Variants in OGFRL1 observed in about 807,000 individuals in gnomAD.
OGFRL1 encodes the protein opioid growth factor receptor like 1.
In OGFRL1, 26 loss-of-function variants were observed where a neutral mutation model predicts 32.4. The ratio of observed to expected loss-of-function variants is 0.80; its 90% CI spans 0.59 to 1.11. The LOEUF (loss-of-function observed/expected upper bound fraction) is 1.11, where lower values mean the gene tolerates loss of function less well. Ranked by LOEUF, OGFRL1 falls within the 50% of genes most tolerant of loss-of-function variation. The pLI, the probability that OGFRL1 is intolerant of heterozygous loss-of-function variation, is 0.00. For missense variants in OGFRL1, 521 were observed against 546.4 expected (o/e 0.95, Z 0.46); for synonymous variants, 211 against 201.2 (o/e 1.05, Z -0.41).
At position 71,288,851 on chromosome 6, in the gene OGFRL1, C is replaced by G. The variant is rs1765942325; in HGVS notation, c.-86C>G. On this transcript the variant is annotated 5_prime_UTR_variant, in exon 1 of 7. Transcript: ENST00000370435. ...CGCCTAGGCTGCCGCCCAGCGCCCT[C>G]GCCGCGGCCATGCCCGGGCCCTAGA... 1 of 994,982 alleles carries G rather than the reference C, an allele frequency of 1.0e-6. No homozygotes were observed. The highest frequency in any genetic ancestry group is 1.2e-6 in the Non-Finnish European group (1 of 824,276). 61.6% of individuals were successfully genotyped at this position (994,982 alleles called of 1,614,324 possible). A position where few individuals can be genotyped will look rare whatever the true frequency, so the allele number is the denominator to read the frequency against.
intron 6 of OGFRL1, among the ~76,000 whole-genome samples, chr6:71,301,044 C>G (rs534602995): frequency 1.9e-4 from 29 of 152,240 alleles, no homozygotes; most frequent in African/African-American, 7.0e-4. Flanking sequence ...AATAAATGCT[C>G]TGTTAGATCA....
intron 5 of OGFRL1, 44 bp downstream of exon 5, chr6:71,296,605 A>T (rs750830068): frequency 6.6e-5 from 106 of 1,607,086 alleles, no homozygotes; most frequent in Admixed American, 5.4e-4. Flanking sequence ...GCCAAATAAT[A>T]TTGCTATTTC....
intron 1 of OGFRL1, among the ~76,000 whole-genome samples, chr6:71,291,151 A>G (rs530961042): frequency 6.6e-5 from 10 of 152,320 alleles, no homozygotes; most frequent in African/African-American, 2.2e-4. Context: ...GTAAACTAAG[A>G]AAGTTATAGT....
chr6:71,290,505 T>C (rs1350762806), intron 1 of OGFRL1, among the ~76,000 whole-genome samples: 1 of 152,212 alleles, frequency 6.6e-6, no homozygotes, highest in African/African-American at 2.4e-5. Context: ...GGTCCATCTA[T>C]ATAAAACATT....
intron 2 of OGFRL1, 34 bp downstream of exon 2, chr6:71,293,413 A>G (rs1766108209): frequency 1.3e-6 from 2 of 1,599,836 alleles, no homozygotes; most frequent in African/African-American, 2.7e-5. Flanking sequence ...TTAAACTGTA[A>G]ACTATTTTCC....
rs1451663987 is a variant in OGFRL1, at chr6:71,305,632, G to A, written c.*3583G>A. 1 of 151,954 alleles carries A rather than the reference G, an allele frequency of 6.6e-6. No homozygotes were observed. The highest frequency in any genetic ancestry group is 1.5e-5 in the Non-Finnish European group (1 of 67,892). The allele number at this position is 151,954 out of a possible 1,614,324, so 9.4% of individuals were successfully genotyped here. A position where few individuals can be genotyped will look rare whatever the true frequency, so the allele number is the denominator to read the frequency against. ...CTAAGTAGTAAAAATATAAACATAT[G>A]AAAATGCCATAATGCCTGTCATAGT... On this transcript the variant is annotated 3_prime_UTR_variant, in exon 7 of 7. Coordinates refer to ENST00000370435, the MANE Select transcript of OGFRL1 (RefSeq NM_024576.5).
Position 71,288,969 on chromosome 6 carries a change from C to T in OGFRL1, c.33C>T (p.Arg11=). 1.4e-6 allele frequency: 2 copies of T among 1,391,016 alleles called. No homozygotes were observed. The highest frequency in any genetic ancestry group is 1.3e-5 in the South Asian group (1 of 78,486). 86.2% of individuals were successfully genotyped at this position (1,391,016 alleles called of 1,614,324 possible). A position where few individuals can be genotyped will look rare whatever the true frequency, so the allele number is the denominator to read the frequency against. MGNLLGGVSF[R]EPTTVEDCDS... ...ACCTGCTCGGCGGGGTCAGCTTCCG[C>T]GAGCCCACCACCGTGGAGGACTGCG... is the stretch of plus-strand genomic sequence containing the variant. Residue 11 remains arginine, a synonymous_variant, in exon 1 of 7, where the codon CGC becomes CGT. Transcript: ENST00000370435.
chr6:71,295,854 A>G (rs1766188795), intron 3 of OGFRL1: 1 of 152,244 alleles, frequency 6.6e-6, no homozygotes, highest in African/African-American at 2.4e-5. Flanking sequence ...GCATTTAAAG[A>G]ACTATATAAC....
In OGFRL1 at chr6:71,296,668, T is replaced by A. The variant is rs774188897; in HGVS notation, c.547-4T>A. On this transcript the variant is annotated splice_region_variant and splice_polypyrimidine_tract_variant and intron_variant, in intron 5 of 6. Transcript: ENST00000370435. ...CAGGTGACTTTTTTCATTTTTTATATTAGGAATTCAAAAAAACAAAAGAAG... is the reference window on the plus strand; with the variant it reads ...CAGGTGACTTTTTTCATTTTTTATAATAGGAATTCAAAAAAACAAAAGAAG... The A allele has an allele frequency of 1.2e-6, 2 of 1,609,204 alleles. No individual in the cohort carries two copies. Among genetic ancestry groups the A allele is most frequent in the African/African-American group, 2.7e-5 (2 of 74,362 alleles).
At chr6:71,301,140 C>A (rs146535502) in intron 6 of OGFRL1, among the ~76,000 whole-genome samples, 2 of 152,262 alleles carry the variant, frequency 1.3e-5, no homozygotes, top group African/African-American at 4.8e-5. Context: ...ATATGAAGAA[C>A]TCAACAGACA....
rs977322868 is a variant in OGFRL1 at position 71,305,442 on chromosome 6, G to A, written c.*3393G>A. On this transcript the variant is annotated 3_prime_UTR_variant, in exon 7 of 7. Coordinates refer to ENST00000370435, the MANE Select transcript of OGFRL1 (RefSeq NM_024576.5). Reference sequence around the variant, plus strand: ...AATTCAAAAGAATAATGATAGAGGTGAAAATATGTTTACTTTCTCTAAATC... The same window carrying A: ...AATTCAAAAGAATAATGATAGAGGTAAAAATATGTTTACTTTCTCTAAATC... 6.6e-6 allele frequency: 1 copy of A among 152,052 alleles called. No homozygotes were observed. Among genetic ancestry groups the A allele is most frequent in the African/African-American group, 2.4e-5 (1 of 41,426 alleles). 9.4% of individuals were successfully genotyped at this position (152,052 alleles called of 1,614,324 possible).
Position 71,302,584 on chromosome 6 carries a change from G to T in OGFRL1, c.*535G>T, listed in dbSNP as rs1236008589. 1 of 152,310 alleles carries T rather than the reference G, an allele frequency of 6.6e-6. No homozygotes were observed. Among genetic ancestry groups the T allele is most frequent in the Non-Finnish European group, 1.5e-5 (1 of 68,178 alleles). 9.4% of individuals were successfully genotyped at this position (152,310 alleles called of 1,614,324 possible). On this transcript the variant is annotated 3_prime_UTR_variant, in exon 7 of 7. Coordinates refer to ENST00000370435, the MANE Select transcript of OGFRL1 (RefSeq NM_024576.5). ...CCTCCTGGACTCAAACGATTCTCCT[G>T]CCTCAGCCTCCTGAGTAGCTGGGAT... is the stretch of plus-strand genomic sequence containing the variant.
chr6:71,293,369 AC>A lies in OGFRL1; in HGVS notation c.313del (p.Gln105SerfsTer14). 6.2e-7 allele frequency: 1 copy of A among 1,613,648 alleles called. No individual in the cohort carries two copies. Among genetic ancestry groups the A allele is most frequent in the Non-Finnish European group, 8.5e-7 (1 of 1,179,736 alleles). On this transcript the variant is annotated frameshift_variant, in exon 2 of 7. Transcript: ENST00000370435. LOFTEE classifies it high-confidence loss of function. ...GCCAGGGATTTGTACAAGTACCGAC[AC>A]CAGTACCCAGTAAGAGTATAGAATG... ...YAARDLYKYR[H>X]QYPNFKDIRY... is the part of the protein sequence containing the mutation.
intron 6 of OGFRL1, among the ~76,000 whole-genome samples, chr6:71,299,124 G>A (rs1351716287): frequency 6.6e-6 from 1 of 152,028 alleles, no homozygotes; most frequent in African/African-American, 2.4e-5. Flanking sequence ...TTAGACCCTG[G>A]GGAGCCTTTT....
At position 71,293,552 on chromosome 6, in the gene OGFRL1, A is replaced by G. The variant is rs1766113681; in HGVS notation, c.341A>G (p.Tyr114Cys). The change falls in exon 3 of 7, where the codon TAT (tyrosine) becomes TGT (cysteine). Residue 114 changes from tyrosine (Y) to cysteine (C), a missense_variant. Coordinates refer to ENST00000370435, the MANE Select transcript of OGFRL1 (RefSeq NM_024576.5). ...TAGCAGAACTTCAAAGATATCCGATATCAAAATGACTTGAGCAATCTTCGT... is the reference window on the plus strand; with the variant it reads ...TAGCAGAACTTCAAAGATATCCGATGTCAAAATGACTTGAGCAATCTTCGT... ...HQYPNFKDIRYQNDLSNLRFY... is the reference protein window; with the variant it reads ...HQYPNFKDIRCQNDLSNLRFY... 6.2e-7 allele frequency: 1 copy of G among 1,613,118 alleles called. No individual in the cohort carries two copies. The highest frequency in any genetic ancestry group is 8.5e-7 in the Non-Finnish European group (1 of 1,179,356).
intron 1 of OGFRL1, among the ~76,000 whole-genome samples, chr6:71,292,274 G>C (rs1766074462): frequency 6.6e-6 from 1 of 152,182 alleles, no homozygotes; most frequent in South Asian, 2.1e-4. Flanking sequence ...CTAATGTTAA[G>C]CATCAGAAGA....
At position 71,305,574 on chromosome 6, in the gene OGFRL1, G is replaced by T. The variant is rs1396627004; in HGVS notation, c.*3525G>T. 6.6e-6 allele frequency: 1 copy of T among 152,026 alleles called. No individual in the cohort carries two copies. The allele number at this position is 152,026 out of a possible 1,614,324, so 9.4% of individuals were successfully genotyped here. A position where few individuals can be genotyped will look rare whatever the true frequency, so the allele number is the denominator to read the frequency against. Reference sequence around the variant, plus strand: ...ATGAGAAAATAAAATCTACAACTCAGGAGTTACTAGAGAAGTTCTAAGTAT... The same window carrying T: ...ATGAGAAAATAAAATCTACAACTCATGAGTTACTAGAGAAGTTCTAAGTAT... On this transcript the variant is annotated 3_prime_UTR_variant, in exon 7 of 7. Transcript: ENST00000370435.
rs1375640752 is a variant in OGFRL1 at position 71,301,895 on chromosome 6, A to G, written c.1202A>G (p.Glu401Gly). The change falls in exon 7 of 7, where the codon GAG (glutamate) becomes GGG (glycine). Residue 401 changes from glutamate (E) to glycine (G), a missense_variant. Glu to Gly is a moderately conservative substitution (Grantham distance 98, BLOSUM62 -2). Transcript: ENST00000370435. ...PRNTEKDSNA[E>G]NMNSQPEKTV... ...AATACAGAGAAGGACAGTAATGCTG[A>G]GAACATGAATTCTCAACCTGAGAAA... 6.2e-7 allele frequency: 1 copy of G among 1,614,120 alleles called. No homozygotes were observed. The highest frequency in any genetic ancestry group is 8.5e-7 in the Non-Finnish European group (1 of 1,180,016).
Position 71,296,353 on chromosome 6 carries a change from G to A in OGFRL1, c.437G>A (p.Gly146Glu). ...GAAGAAGTTCTAAGTAAATGGAAAG[G>A]AGATTATGAAAAACTGGAGCACAAC... ...YIEEVLSKWK[G>E]DYEKLEHNHT... The change falls in exon 4 of 7, where the codon GGA becomes GAA. Residue 146 changes from glycine to glutamate, a missense_variant. Physicochemically the swap from Gly to Glu is moderately conservative, Grantham distance 98. Transcript: ENST00000370435. 2 of 1,611,060 alleles carry A rather than the reference G, an allele frequency of 1.2e-6. No individual in the cohort carries two copies. Among genetic ancestry groups the A allele is most frequent in the South Asian group, 1.1e-5 (1 of 90,846 alleles).
Sources: allele counts gnomAD v4.1 joint callset (sites outside exome capture counted in the v4.1 genomes callset), GRCh38; gene constraint gnomAD v4.1.1; transcripts MANE v1.5; gene names NCBI Gene and HGNC (gene_info 2026-07-23, HGNC 2026-07-21).